PKIA: variants seen among roughly 807,000 people sequenced by gnomAD.
PKIA encodes cAMP-dependent protein kinase inhibitor alpha, also known as PKI-alpha.
A neutral mutation model predicts 7.6 loss-of-function variants in PKIA; 4 were observed. The observed-to-expected ratio is 0.52, with a 90% confidence interval of 0.26 to 1.20. The LOEUF (loss-of-function observed/expected upper bound fraction) is 1.20. Among genes scored for constraint, PKIA ranks in the 50% most tolerant of loss-of-function variants. PKIA has a pLI of 0.13. For missense variants in PKIA, 73 were observed against 86.2 expected, an observed-to-expected ratio of 0.85 and a Z score of 0.61; for synonymous variants, 21 against 30.7, an observed-to-expected ratio of 0.68 and a Z score of 1.04.
At chr8:78,596,920 A>G (rs1028914372) in intron 2 of PKIA, among the ~76,000 whole-genome samples, 6 of 152,164 alleles carry the variant, frequency 3.9e-5, no homozygotes, top group Non-Finnish European at 8.8e-5. Flanking sequence ...TTATCCCAGC[A>G]CCATTTATTG....
intron 1 of PKIA, among the ~76,000 whole-genome samples, chr8:78,567,524 A>G (rs1473566350): frequency 6.6e-6 from 1 of 152,034 alleles, no homozygotes; most frequent in African/African-American, 2.4e-5. Flanking sequence ...ATAAAGGGCC[A>G]TTTTGTCAAG....
chr8:78,553,831 C>T (rs1807053298), intron 1 of PKIA, among the ~76,000 whole-genome samples: 5 of 151,380 alleles, frequency 3.3e-5, no homozygotes. Context: ...AAAAGGTCAT[C>T]CTTAAACAGT....
intron 1 of PKIA, among the ~76,000 whole-genome samples, chr8:78,539,199 CA>C (rs1806611485): frequency 6.6e-6 from 1 of 151,818 alleles, no homozygotes; most frequent in South Asian, 2.1e-4. Flanking sequence ...TGGGCTATAT[CA>C]AAGATAAAAG....
chr8:78,536,332 T>C (rs1806520459), intron 1 of PKIA, among the ~76,000 whole-genome samples: 2 of 151,978 alleles, frequency 1.3e-5, no homozygotes, highest in South Asian at 2.1e-4. Context: ...AAAAACATGA[T>C]ATATGTATTT....
chr8:78,547,976 C>G (rs191002825), intron 1 of PKIA, among the ~76,000 whole-genome samples: 3 of 152,190 alleles, frequency 2.0e-5, no homozygotes, highest in Admixed American at 2.0e-4. Flanking sequence ...TCTAGGTTCA[C>G]TTTTCTCTGA....
intron 1 of PKIA, among the ~76,000 whole-genome samples, chr8:78,538,727 C>T (rs1023876149): frequency 6.6e-6 from 1 of 151,940 alleles, no homozygotes; most frequent in Non-Finnish European, 1.5e-5. Context: ...CCCTAGGGAA[C>T]AAAGATGGTC....
intron 1 of PKIA, among the ~76,000 whole-genome samples, chr8:78,523,686 C>T (rs539950953): frequency 1.3e-5 from 2 of 151,528 alleles, no homozygotes; most frequent in South Asian, 2.1e-4. Flanking sequence ...TTTCCATTTC[C>T]AAAATGTAAT....
At chr8:78,525,723 TC>T (rs1277030157) in intron 1 of PKIA, among the ~76,000 whole-genome samples, 68 of 152,030 alleles carry the variant, frequency 4.5e-4, no homozygotes, top group African/African-American at 1.6e-3. Flanking sequence ...ATTTTCAAGT[TC>T]AATCAAAAAG....
intron 1 of PKIA, among the ~76,000 whole-genome samples, chr8:78,524,660 T>G (rs1809507977): frequency 6.6e-6 from 1 of 151,924 alleles, no homozygotes; most frequent in Non-Finnish European, 1.5e-5. Context: ...AATTACATTT[T>G]TTTCATCTTC....
At chr8:78,599,646 T>A (rs1371809891) in intron 3 of PKIA, among the ~76,000 whole-genome samples, 6 of 152,060 alleles carry the variant, frequency 3.9e-5, no homozygotes, top group Non-Finnish European at 8.8e-5. Context: ...GTGCTGTTAT[T>A]GCTACCAGTA....
rs1189913250 is a variant in PKIA at position 78,604,744 on chromosome 8, T to G, written c.*2923T>G. The G allele has an allele frequency of 6.6e-6, 1 of 152,006 alleles. No homozygotes were observed. The highest frequency in any genetic ancestry group is 1.5e-5 in the Non-Finnish European group (1 of 67,948). 9.4% of individuals were successfully genotyped at this position (152,006 alleles called of 1,614,324 possible). A position where few individuals can be genotyped will look rare whatever the true frequency, so the allele number is the denominator to read the frequency against. On this transcript the variant is annotated 3_prime_UTR_variant, in exon 4 of 4. Transcript: ENST00000396418. ...TACCAACAAACATGGGGACTTTGGCTTTTTGACTTATTTGCAACAAGCATG... is the reference window on the plus strand; with the variant it reads ...TACCAACAAACATGGGGACTTTGGCGTTTTGACTTATTTGCAACAAGCATG...
In PKIA at chr8:78,553,731, A is replaced by C. The variant is rs752753647; in HGVS notation, c.-156-19080A>C. Among the ~76,000 whole-genome samples the C allele has an allele frequency of 4.4e-5, 4 of 91,796 alleles. No individual in the cohort carries two copies. The South Asian group carries it at 1.5e-3, about 36-fold the overall frequency. 60.2% of individuals were successfully genotyped at this position (91,796 alleles called of 152,430 possible). On this transcript the variant is annotated intron_variant, in intron 1 of 3. Coordinates refer to ENST00000396418, the MANE Select transcript of PKIA (RefSeq NM_006823.4). ...GTATCAAGCCACTCTATTTTAAAAC[A>C]ACTGGATTTTTTTTTTTTTTTTGCA...
chr8:78,565,604 T>C (rs1807390355), intron 1 of PKIA, among the ~76,000 whole-genome samples: 1 of 151,984 alleles, frequency 6.6e-6, no homozygotes, highest in African/African-American at 2.4e-5. Context: ...TACCTGGCAG[T>C]GCTCTTGCTA....
intron 1 of PKIA, among the ~76,000 whole-genome samples, chr8:78,567,519 G>C (rs773764403): frequency 1.2e-4 from 18 of 151,996 alleles, no homozygotes; most frequent in Non-Finnish European, 2.5e-4. Flanking sequence ...CAGAGATAAA[G>C]GGCCATTTTG....
chr8:78,588,400 G>C (rs926198546), intron 2 of PKIA, among the ~76,000 whole-genome samples: 1 of 152,022 alleles, frequency 6.6e-6, no homozygotes, highest in African/African-American at 2.4e-5. Flanking sequence ...GCATCACTTC[G>C]ACCCAGGAGG....
chr8:78,550,713 G>A (rs569349386), intron 1 of PKIA, among the ~76,000 whole-genome samples: 11 of 152,038 alleles, frequency 7.2e-5, no homozygotes, highest in African/African-American at 2.4e-4. Flanking sequence ...TTGGTTACAT[G>A]AGTATATTCT....
intron 2 of PKIA, among the ~76,000 whole-genome samples, chr8:78,588,973 CAG>C (rs1222645849): frequency 1.3e-5 from 2 of 149,754 alleles, no homozygotes; most frequent in Non-Finnish European, 3.0e-5. Context: ...GATTTTATAA[CAG>C]GGAAGATGTA....
At chr8:78,600,597 T>C (rs971057213) in intron 3 of PKIA, among the ~76,000 whole-genome samples, 1 of 152,128 alleles carries the variant, frequency 6.6e-6, no homozygotes, top group African/African-American at 2.4e-5. Context: ...ACCAAGTTCT[T>C]GTTGCATGCT....
At chr8:78,543,643 G>A (rs1474047090) in intron 1 of PKIA, among the ~76,000 whole-genome samples, 1 of 152,164 alleles carries the variant, frequency 6.6e-6, no homozygotes, top group Non-Finnish European at 1.5e-5. Context: ...CTAGAGGCTG[G>A]TATGGTGGTG....
Sources: allele counts gnomAD v4.1 joint callset (sites outside exome capture counted in the v4.1 genomes callset), GRCh38; gene constraint gnomAD v4.1.1; transcripts MANE v1.5; gene names NCBI Gene and HGNC (gene_info 2026-07-23, HGNC 2026-07-21).